The following RCAN2 variants were observed in gnomAD, a reference collection of about 807,000 sequenced individuals.
RCAN2 encodes the protein regulator of calcineurin 2.
Under a neutral mutation model 23.6 loss-of-function variants are expected in RCAN2, and 9 were observed. The ratio of observed to expected loss-of-function variants is 0.38; its 90% confidence interval spans 0.23 to 0.67. RCAN2 has a LOEUF of 0.67. Among genes scored for constraint, RCAN2 ranks in the 30% least tolerant of loss-of-function variants. The pLI is 0.51. For synonymous variants in RCAN2, 109 were observed against 115.7 expected (o/e 0.94, Z 0.37); for missense variants, 273 against 302.3 (o/e 0.90, Z 0.72).
chr6:46,259,201 A>G (rs1767027941), intron 2 of RCAN2, among the ~76,000 whole-genome samples: 1 of 152,122 alleles, frequency 6.6e-6, no homozygotes, highest in South Asian at 2.1e-4. Flanking sequence ...AAAAACAAAA[A>G]CAAAACACAA....
At chr6:46,340,182 A>G (rs996561776) in intron 2 of RCAN2, among the ~76,000 whole-genome samples, 1 of 152,186 alleles carries the variant, frequency 6.6e-6, no homozygotes, top group Non-Finnish European at 1.5e-5. Context: ...TCCACTTGCT[A>G]CTACTACTAC....
At chr6:46,411,699 C>G (rs958208658) in intron 2 of RCAN2, among the ~76,000 whole-genome samples, 1 of 152,024 alleles carries the variant, frequency 6.6e-6, no homozygotes, top group Non-Finnish European at 1.5e-5. Context: ...AGTCCAATCT[C>G]TAAGGATGAG....
At chr6:46,365,204 G>A (rs566648509) in intron 2 of RCAN2, among the ~76,000 whole-genome samples, 13 of 152,142 alleles carry the variant, frequency 8.5e-5, no homozygotes, top group South Asian at 8.3e-4. Context: ...AGCTAGGCAC[G>A]GTGGCTCACA....
intron 2 of RCAN2, among the ~76,000 whole-genome samples, chr6:46,445,672 C>G (rs994043822): frequency 2.0e-5 from 3 of 151,846 alleles, no homozygotes; most frequent in Admixed American, 6.6e-5. Flanking sequence ...TAATAACATA[C>G]AGAGAAACAA....
At chr6:46,477,794 G>A (rs1271198094) in intron 1 of RCAN2, among the ~76,000 whole-genome samples, 2 of 152,140 alleles carry the variant, frequency 1.3e-5, no homozygotes, top group Non-Finnish European at 2.9e-5. Context: ...GCCATCTCTA[G>A]GGTGGAAGTA....
upstream of RCAN2, chr6:46,491,504 C>G (rs1244439361): frequency 6.6e-6 from 1 of 152,120 alleles, no homozygotes; most frequent in Non-Finnish European, 1.5e-5. Flanking sequence ...GGGCGCGTCC[C>G]CAGCTCCGAC....
At chr6:46,380,119 A>G (rs913552210) in intron 2 of RCAN2, among the ~76,000 whole-genome samples, 1 of 152,218 alleles carries the variant, frequency 6.6e-6, no homozygotes, top group African/African-American at 2.4e-5. Flanking sequence ...AGTCTTTGGC[A>G]TTAGATATGC....
At chr6:46,305,123 C>T (rs78075776) in intron 2 of RCAN2, among the ~76,000 whole-genome samples, 13 of 152,244 alleles carry the variant, frequency 8.5e-5, no homozygotes, top group South Asian at 4.1e-4. Context: ...GAGGACCTCA[C>T]TTCACATCAG....
Position 46,316,489 on chromosome 6 carries a change from C to T in RCAN2, c.226-67593G>A, listed in dbSNP as rs577797028. Among the ~76,000 whole-genome samples the T allele has an allele frequency of 5.3e-5, 8 of 152,252 alleles. No individual in the cohort carries two copies. In the South Asian group the frequency reaches 1.2e-3, roughly 24 times the overall value. Reference sequence around the variant, plus strand: ...CTAGACTTCCTTCTCACATGCCCTACGTCAGCAAAGGAAGCCTCTTTAGAG... The same window carrying T: ...CTAGACTTCCTTCTCACATGCCCTATGTCAGCAAAGGAAGCCTCTTTAGAG... On this transcript the variant is annotated intron_variant, in intron 2 of 4. Coordinates refer to ENST00000371374, the MANE Select transcript of RCAN2 (RefSeq NM_001251974.2).
intron 2 of RCAN2, among the ~76,000 whole-genome samples, chr6:46,265,645 G>A (rs1195531980): frequency 6.6e-6 from 1 of 152,168 alleles, no homozygotes; most frequent in Non-Finnish European, 1.5e-5. Context: ...TCACTGGAGA[G>A]ACGTGACAGT....
chr6:46,244,092 G>A (rs1168775073), intron 4 of RCAN2, among the ~76,000 whole-genome samples: 1 of 152,024 alleles, frequency 6.6e-6, no homozygotes, highest in Admixed American at 6.6e-5. Context: ...ATAATAATAG[G>A]TCCTATCTCT....
intron 1 of RCAN2, among the ~76,000 whole-genome samples, chr6:46,470,912 A>T (rs1768539139): frequency 6.6e-6 from 1 of 152,042 alleles, no homozygotes; most frequent in African/African-American, 2.4e-5. Context: ...TGGTGAATTC[A>T]CCTCTCCTCA....
chr6:46,229,417 T>C (rs1490882702), intron 4 of RCAN2, among the ~76,000 whole-genome samples: 2 of 152,218 alleles, frequency 1.3e-5, no homozygotes, highest in Non-Finnish European at 2.9e-5. Context: ...CAATCAGATG[T>C]AGATTTGGTC....
chr6:46,405,913 G>A (rs1766386950), intron 2 of RCAN2, among the ~76,000 whole-genome samples: 1 of 152,214 alleles, frequency 6.6e-6, no homozygotes, highest in Non-Finnish European at 1.5e-5. Context: ...CCTGCCCCGC[G>A]GGAAGGCAGC....
At chr6:46,341,259 C>A (rs911694516) in intron 2 of RCAN2, among the ~76,000 whole-genome samples, 1 of 152,116 alleles carries the variant, frequency 6.6e-6, no homozygotes, top group African/African-American at 2.4e-5. Context: ...AAATGACTTG[C>A]TCTGTATTTC....
intron 2 of RCAN2, among the ~76,000 whole-genome samples, chr6:46,378,836 G>A (rs577941282): frequency 6.6e-6 from 1 of 152,276 alleles, no homozygotes; most frequent in African/African-American, 2.4e-5. Context: ...AAAGTTTGAG[G>A]AGATATTTGG....
chr6:46,406,050 C>A (rs1472318054), intron 2 of RCAN2, among the ~76,000 whole-genome samples: 1 of 152,234 alleles, frequency 6.6e-6, no homozygotes, highest in Non-Finnish European at 1.5e-5. Flanking sequence ...GGCCGGCCGG[C>A]TGCTCCGAAT....
chr6:46,344,951 T>C (rs1430579452), intron 2 of RCAN2, among the ~76,000 whole-genome samples: 1 of 152,050 alleles, frequency 6.6e-6, no homozygotes, highest in Admixed American at 6.5e-5. Context: ...AAAATCTCCC[T>C]TTTTCTCTCT....
intron 2 of RCAN2, among the ~76,000 whole-genome samples, chr6:46,440,323 T>G (rs1296805895): frequency 3.3e-5 from 5 of 152,170 alleles, no homozygotes. Context: ...TTGTCAATTG[T>G]GATTGCCAAG....
Sources: allele counts gnomAD v4.1 joint callset (sites outside exome capture counted in the v4.1 genomes callset), GRCh38; gene constraint gnomAD v4.1.1; transcripts MANE v1.5; gene names NCBI Gene and HGNC (gene_info 2026-07-23, HGNC 2026-07-21).